Variants in DACH2 observed in about 807,000 individuals in gnomAD.
The protein encoded by DACH2 is dachshund homolog 2.
DACH2 carries 17 observed loss-of-function variants against 35.8 expected under a neutral mutation model. That is an observed-to-expected ratio of 0.48 (90% CI 0.33 to 0.71). The LOEUF (loss-of-function observed/expected upper bound fraction) is 0.71, where lower values mean the gene tolerates loss of function less well. Ranked by LOEUF, DACH2 falls within the 30% of genes least tolerant of loss-of-function variation. The pLI is 0.02. For missense variants in DACH2, 469 were observed against 472.7 expected (o/e 0.99, Z 0.07); for synonymous variants, 195 against 177.3 (o/e 1.10, Z -0.79).
chrX:86,826,318 A>G (rs1471524414), intron 11 of DACH2, among the ~76,000 whole-genome samples: 1 of 111,732 alleles, frequency 8.9e-6, no homozygotes, highest in Non-Finnish European at 1.9e-5. Context: ...TTGATACTCC[A>G]TTATGACACC....
At chrX:86,291,475 G>T (rs1224350813) in intron 1 of DACH2, among the ~76,000 whole-genome samples, 1 of 103,377 alleles carries the variant, frequency 9.7e-6, no homozygotes, top group East Asian at 3.1e-4. Context: ...AATAGGAGTG[G>T]TGAGAGAGGG....
chrX:86,190,965 A>G (rs1237145470), intron 1 of DACH2, among the ~76,000 whole-genome samples: 1 of 111,677 alleles, frequency 9.0e-6, no homozygotes, highest in Non-Finnish European at 1.9e-5. Flanking sequence ...AAATAAATAA[A>G]TAAAATAAAA....
chrX:86,574,831 G>A (rs922271989), intron 3 of DACH2, among the ~76,000 whole-genome samples: 3 of 111,092 alleles, frequency 2.7e-5, no homozygotes, highest in Non-Finnish European at 5.7e-5. Flanking sequence ...TTCTTATCAG[G>A]AATACATCAA....
At chrX:86,744,055 C>T (rs2041685510) in intron 7 of DACH2, among the ~76,000 whole-genome samples, 1 of 111,321 alleles carries the variant, frequency 9.0e-6, no homozygotes, top group South Asian at 3.7e-4. Flanking sequence ...GACTGTCCCA[C>T]GTACTGCAGC....
At chrX:86,251,717 A>G (rs1206781917) in intron 1 of DACH2, among the ~76,000 whole-genome samples, 1 of 111,755 alleles carries the variant, frequency 8.9e-6, no homozygotes, top group African/African-American at 3.2e-5. Flanking sequence ...TATGTATACC[A>G]CATTGTCTTT....
intron 2 of DACH2, among the ~76,000 whole-genome samples, chrX:86,484,974 G>T (rs1602571851): frequency 9.0e-6 from 1 of 111,494 alleles, no homozygotes; most frequent in African/African-American, 3.3e-5. Flanking sequence ...ATAACTGAAA[G>T]AGTTGATAGA....
At chrX:86,160,050 AAAC>A (rs1214402557) in intron 1 of DACH2, among the ~76,000 whole-genome samples, 2 of 107,318 alleles carry the variant, frequency 1.9e-5, no homozygotes, top group Admixed American at 9.7e-5. Context: ...GTAAAAAAAA[AAAC>A]AAAAAAAACA....
chrX:86,449,264 A>AT (rs1222972727), intron 2 of DACH2, among the ~76,000 whole-genome samples: 3 of 74,353 alleles, frequency 4.0e-5, no homozygotes, highest in Non-Finnish European at 7.6e-5. Flanking sequence ...GGATTCATTG[A>AT]TTTTTTGAAG....
chrX:86,385,177 C>T (rs988123218), intron 2 of DACH2, among the ~76,000 whole-genome samples: 1 of 111,344 alleles, frequency 9.0e-6, no homozygotes, highest in Non-Finnish European at 1.9e-5. Flanking sequence ...ACGTTATATG[C>T]TTTATGCTGC....
intron 7 of DACH2, among the ~76,000 whole-genome samples, chrX:86,770,911 C>T (rs2041982319): frequency 8.9e-6 from 1 of 112,774 alleles, no homozygotes; most frequent in African/African-American, 3.2e-5. Context: ...GTGCCTCCTT[C>T]CCAGGAAAAA....
chrX:86,417,907 G>A (rs939060504), intron 2 of DACH2, among the ~76,000 whole-genome samples: 50 of 111,693 alleles, frequency 4.5e-4, no homozygotes, highest in African/African-American at 1.6e-3. Flanking sequence ...TCAAAAGCAA[G>A]TTAGTTACTT....
At chrX:86,321,482 G>A (rs894242255) in intron 1 of DACH2, among the ~76,000 whole-genome samples, 1 of 111,826 alleles carries the variant, frequency 8.9e-6, no homozygotes, top group African/African-American at 3.3e-5. Flanking sequence ...GAATAATTAA[G>A]AGGTTTGGTC....
At chrX:86,595,728 CTATAGTTATATATATAGTTTTACATATA>C (rs1268501713) in intron 3 of DACH2, among the ~76,000 whole-genome samples, 12 of 108,094 alleles carry the variant, frequency 1.1e-4, no homozygotes, top group Non-Finnish European at 1.9e-5. Context: ...TGTAATTGAG[CTATAGTTATATATATAGTTTTACATATA>C]TATAGTTATA....
rs1008238658 is a variant in DACH2 at position 86,370,974 on chromosome X, C to G, written c.489-5850C>G. Among the ~76,000 whole-genome samples the G allele has an allele frequency of 3.6e-5, 4 of 111,111 alleles. No homozygotes were observed. In the Admixed American group the frequency reaches 3.9e-4, roughly 11 times the overall value. ...TTCTATTTTTTAAAATGAACATTGC[C>G]TTGAAAAAGATATTTGATGCTGTGA... is the stretch of plus-strand genomic sequence containing the variant. On this transcript the variant is annotated intron_variant, in intron 1 of 11. Transcript: ENST00000373125.
At chrX:86,521,170 G>T (rs1050172344) in intron 3 of DACH2, among the ~76,000 whole-genome samples, 1 of 111,669 alleles carries the variant, frequency 9.0e-6, no homozygotes, top group African/African-American at 3.3e-5. Context: ...GCTACGTTTG[G>T]CTGGATATGA....
chrX:86,587,785 C>G (rs1308898801), intron 3 of DACH2, among the ~76,000 whole-genome samples: 1 of 111,632 alleles, frequency 9.0e-6, no homozygotes, highest in Non-Finnish European at 1.9e-5. Flanking sequence ...TTATTGAATG[C>G]ATAGTTTGCA....
intron 4 of DACH2, among the ~76,000 whole-genome samples, chrX:86,653,073 T>G (rs2040495966): frequency 8.9e-6 from 1 of 112,149 alleles, no homozygotes; most frequent in South Asian, 3.7e-4. Context: ...AGGTTTTATA[T>G]TTAGGAATTT....
chrX:86,792,775 T>G (rs2042199253), intron 7 of DACH2, among the ~76,000 whole-genome samples: 1 of 112,002 alleles, frequency 8.9e-6, no homozygotes, highest in African/African-American at 3.2e-5. Flanking sequence ...CATTCATCCC[T>G]TGATGGACAC....
intron 2 of DACH2, among the ~76,000 whole-genome samples, chrX:86,436,381 T>TAG (rs1326095183): frequency 4.3e-4 from 30 of 69,815 alleles, no homozygotes; most frequent in African/African-American, 1.4e-3. Flanking sequence ...TATATATATA[T>TAG]ATAGAGAGAG....
Sources: allele counts gnomAD v4.1 joint callset (sites outside exome capture counted in the v4.1 genomes callset), GRCh38; gene constraint gnomAD v4.1.1; transcripts MANE v1.5; gene names NCBI Gene and HGNC (gene_info 2026-07-23, HGNC 2026-07-21).